Variants in SH3RF1 observed in about 807,000 individuals in gnomAD.
SH3RF1 encodes the protein E3 ubiquitin-protein ligase SH3RF1.
Under a neutral mutation model 74.0 loss-of-function variants are expected in SH3RF1, and 32 were observed. That is an observed-to-expected ratio of 0.43 (90% confidence interval 0.33 to 0.58). The LOEUF is 0.58. Ranked by LOEUF, SH3RF1 falls within the 20% of genes least tolerant of loss-of-function variation. SH3RF1 has a pLI of 0.05. For synonymous variants in SH3RF1, 396 were observed against 439.6 expected (o/e 0.90, Z 1.24); for missense variants, 954 against 1,130.9 (o/e 0.84, Z 2.24).
intron 2 of SH3RF1, among the ~76,000 whole-genome samples, chr4:169,241,047 A>G (rs1346026120): frequency 6.6e-6 from 1 of 152,256 alleles, no homozygotes; most frequent in Non-Finnish European, 1.5e-5. Flanking sequence ...TGGCTAACAC[A>G]GTGAAACCCC....
chr4:169,173,614 T>A (rs1734367289), intron 2 of SH3RF1, among the ~76,000 whole-genome samples: 1 of 152,276 alleles, frequency 6.6e-6, no homozygotes, highest in African/African-American at 2.4e-5. Flanking sequence ...GCGCTGTAGA[T>A]CCTGGGGTCT....
intron 4 of SH3RF1, 25 bp downstream of exon 4, chr4:169,155,455 T>C (rs764932279): frequency 2.0e-6 from 3 of 1,532,864 alleles, no homozygotes; most frequent in African/African-American, 1.4e-5. Context: ...ATTAACACAG[T>C]TCAAGTTTCT....
chr4:169,149,252 C>A (rs113901714), intron 4 of SH3RF1, among the ~76,000 whole-genome samples: 13 of 152,260 alleles, frequency 8.5e-5, no homozygotes, highest in African/African-American at 3.1e-4. Context: ...TAAACAACTC[C>A]TTTTTAGATT....
intron 4 of SH3RF1, among the ~76,000 whole-genome samples, chr4:169,150,154 A>G (rs1733952266): frequency 6.6e-6 from 1 of 152,232 alleles, no homozygotes; most frequent in African/African-American, 2.4e-5. Flanking sequence ...TAGAAAGTGA[A>G]TACAACTAAT....
chr4:169,194,305 G>A (rs1561049892), intron 2 of SH3RF1, among the ~76,000 whole-genome samples: 2 of 152,154 alleles, frequency 1.3e-5, no homozygotes, highest in South Asian at 2.1e-4. Flanking sequence ...ACCAGGACAA[G>A]ACACAGAGTT....
chr4:169,111,993 C>T (rs909301914), intron 10 of SH3RF1, among the ~76,000 whole-genome samples: 4 of 152,112 alleles, frequency 2.6e-5, no homozygotes, highest in Non-Finnish European at 4.4e-5. Context: ...AGAGAAGCTG[C>T]GACAGTCCCA....
intron 2 of SH3RF1, among the ~76,000 whole-genome samples, chr4:169,215,072 G>A (rs974523840): frequency 2.0e-5 from 3 of 152,106 alleles, no homozygotes; most frequent in African/African-American, 7.2e-5. Context: ...TCTCCATTAA[G>A]TATGTTGTTA....
At chr4:169,179,320 C>G (rs923384987) in intron 2 of SH3RF1, among the ~76,000 whole-genome samples, 3 of 152,130 alleles carry the variant, frequency 2.0e-5, no homozygotes, top group African/African-American at 7.2e-5. Context: ...TTAGAGCCAC[C>G]AAAAAGTAAC....
At chr4:169,115,080 T>C (rs1733308912) in intron 10 of SH3RF1, among the ~76,000 whole-genome samples, 1 of 152,354 alleles carries the variant, frequency 6.6e-6, no homozygotes, top group African/African-American at 2.4e-5. Context: ...CACCTGTCTC[T>C]AAACCCAACC....
Position 169,269,121 on chromosome 4 carries a change from G to T in SH3RF1, c.92C>A (p.Thr31Lys). Residue 31 changes from threonine to lysine, a missense_variant, in exon 2 of 12, where the codon ACG (threonine) becomes AAG (lysine). Physicochemically the swap from Thr to Lys is moderately conservative, Grantham distance 78. Transcript: ENST00000284637. Reference protein sequence around the residue: ...ASAKVLPCQHTFCKRCLLGIV... With the variant: ...ASAKVLPCQHKFCKRCLLGIV... ...CCCCAGCAAACATCGCTTGCAAAAC[G>T]TATGCTGGCAAGGCAAGACCTTCGC... 6.2e-7 allele frequency: 1 copy of T among 1,614,014 alleles called. No individual in the cohort carries two copies. The highest frequency in any genetic ancestry group is 8.5e-7 in the Non-Finnish European group (1 of 1,180,028).
chr4:169,247,332 T>A (rs1256353682), intron 2 of SH3RF1, among the ~76,000 whole-genome samples: 1 of 152,118 alleles, frequency 6.6e-6, no homozygotes, highest in Non-Finnish European at 1.5e-5. Flanking sequence ...AAATATTTAC[T>A]GAGAGAGTGA....
At position 169,127,067 on chromosome 4, in the gene SH3RF1, C is replaced by A. The variant is rs558319752; in HGVS notation, c.1179+2979G>T. 2.8e-4 allele frequency among the ~76,000 whole-genome samples: 42 copies of A among 152,168 alleles called. 1 individual carries two copies. In the South Asian group the frequency reaches 7.7e-3, roughly 28 times the overall value. On this transcript the variant is annotated intron_variant, in intron 6 of 11. Transcript: ENST00000284637. ...GCCTTCTGCCATTATGCAGAAGATA[C>A]GAGACTAAGATCTTCAACCTCCTCC...
chr4:169,130,955 A>C (rs1733608777), intron 5 of SH3RF1, among the ~76,000 whole-genome samples: 1 of 152,228 alleles, frequency 6.6e-6, no homozygotes, highest in African/African-American at 2.4e-5. Flanking sequence ...CTTCCCCTCC[A>C]GTGTGAATAG....
chr4:169,192,379 A>G (rs898744261), intron 2 of SH3RF1, among the ~76,000 whole-genome samples: 2 of 152,112 alleles, frequency 1.3e-5, no homozygotes, highest in Non-Finnish European at 2.9e-5. Context: ...CAAACATATG[A>G]AAAAAATGCT....
At position 169,096,473 on chromosome 4, in the gene SH3RF1, A is replaced by G; in HGVS notation, c.*46T>C. The G allele has an allele frequency of 1.3e-6, 2 of 1,590,546 alleles. No homozygotes were observed. Among genetic ancestry groups the G allele is most frequent in the Non-Finnish European group, 1.7e-6 (2 of 1,167,486 alleles). The stretch of plus-strand genomic sequence containing the variant: ...TCTTTCTGTTAAACTGCTTTGTGCT[A>G]CTTTGTTGTGTGAAGTGATTTTAAG... On this transcript the variant is annotated 3_prime_UTR_variant, in exon 12 of 12. Coordinates refer to ENST00000284637, the MANE Select transcript of SH3RF1 (RefSeq NM_020870.4).
intron 4 of SH3RF1, among the ~76,000 whole-genome samples, chr4:169,136,896 G>A (rs1353101015): frequency 6.6e-6 from 1 of 152,126 alleles, no homozygotes; most frequent in African/African-American, 2.4e-5. Flanking sequence ...CATAATGTCT[G>A]ATTTTAAAAC....
At chr4:169,118,208 C>T (rs1733369663) in intron 8 of SH3RF1, among the ~76,000 whole-genome samples, 2 of 152,194 alleles carry the variant, frequency 1.3e-5, no homozygotes, top group Non-Finnish European at 2.9e-5. Flanking sequence ...CACATGTGCC[C>T]ATGTACATGC....
At chr4:169,244,097 C>A (rs1016952483) in intron 2 of SH3RF1, among the ~76,000 whole-genome samples, 9 of 152,186 alleles carry the variant, frequency 5.9e-5, no homozygotes, top group African/African-American at 2.2e-4. Context: ...CTGGCCATCC[C>A]TTTGTCTGAT....
At chr4:169,260,025 T>C (rs139464384) in intron 2 of SH3RF1, among the ~76,000 whole-genome samples, 4 of 152,140 alleles carry the variant, frequency 2.6e-5, no homozygotes, top group Admixed American at 2.0e-4. Context: ...AGAGAGGGGA[T>C]AGATTAATAA....
Sources: allele counts gnomAD v4.1 joint callset (sites outside exome capture counted in the v4.1 genomes callset), GRCh38; gene constraint gnomAD v4.1.1; transcripts MANE v1.5; gene names NCBI Gene and HGNC (gene_info 2026-07-23, HGNC 2026-07-21).